The following EDA variants were observed in gnomAD, a reference collection of about 807,000 sequenced individuals.
The protein encoded by EDA is ectodysplasin-A.
In EDA, 2 loss-of-function variants were observed where a neutral mutation model predicts 23.6. The ratio of observed to expected loss-of-function variants is 0.08; its 90% CI spans 0.03 to 0.27. The LOEUF is 0.27. Among genes scored for constraint, EDA ranks in the 10% least tolerant of loss-of-function variants. The pLI is 1.00. For missense variants in EDA, 229 were observed against 324.2 expected (o/e 0.71, Z 2.26); for synonymous variants, 131 against 132.0 (o/e 0.99, Z 0.05).
At chrX:69,959,059 C>T (rs1290463906) in intron 2 of EDA, among the ~76,000 whole-genome samples, 1 of 112,192 alleles carries the variant, frequency 8.9e-6, no homozygotes, top group East Asian at 2.8e-4. Flanking sequence ...CCTAAAACTA[C>T]TTTATCCAAA....
At chrX:69,958,517 C>CAA (rs34031076) in intron 2 of EDA, among the ~76,000 whole-genome samples, 1 of 87,283 alleles carries the variant, frequency 1.1e-5, no homozygotes, top group African/African-American at 4.2e-5. Flanking sequence ...ATAATAATAC[C>CAA]AAAAAAAAAA....
chrX:69,753,348 C>G (rs2013969678), intron 1 of EDA, among the ~76,000 whole-genome samples: 1 of 112,090 alleles, frequency 8.9e-6, no homozygotes, highest in South Asian at 3.7e-4. Context: ...AGCAGTCATT[C>G]AGGAGCAGGT....
intron 1 of EDA, among the ~76,000 whole-genome samples, chrX:69,745,807 G>A (rs1284618020): frequency 1.8e-5 from 2 of 111,077 alleles, no homozygotes; most frequent in African/African-American, 6.6e-5. Context: ...AGCCAACATG[G>A]TGAAACCTCA....
At chrX:69,762,087 A>G (rs1382261680) in intron 1 of EDA, among the ~76,000 whole-genome samples, 1 of 111,727 alleles carries the variant, frequency 9.0e-6, no homozygotes, top group African/African-American at 3.3e-5. Context: ...TAGAAAAGTG[A>G]GGTATCAGTA....
chrX:69,792,030 G>T (rs767882623), intron 1 of EDA, among the ~76,000 whole-genome samples: 1 of 111,631 alleles, frequency 9.0e-6, no homozygotes, highest in African/African-American at 3.3e-5. Flanking sequence ...TTCTTTAGTG[G>T]TGATTTCTGG....
At chrX:69,892,037 C>T (rs1293174595) in intron 1 of EDA, among the ~76,000 whole-genome samples, 1 of 111,794 alleles carries the variant, frequency 8.9e-6, no homozygotes, top group Admixed American at 9.5e-5. Flanking sequence ...TCATGTTTCT[C>T]ATGAGTAAAA....
chrX:69,753,675 G>A (rs1569319366), intron 1 of EDA, among the ~76,000 whole-genome samples: 2 of 111,555 alleles, frequency 1.8e-5, no homozygotes, highest in Non-Finnish European at 3.8e-5. Flanking sequence ...ACAGTGGGAT[G>A]TTAAAGTCTC....
In EDA at chrX:69,918,604, A is replaced by G. The variant is rs182798949; in HGVS notation, c.397-38423A>G. On this transcript the variant is annotated intron_variant, in intron 1 of 7. Coordinates refer to ENST00000374552, the MANE Select transcript of EDA (RefSeq NM_001399.5). ...CTAAAAAGAGAACCTTCACTCCTTT[A>G]GCAGTCAAGTGAGTTAATTTCCTTT... Among the ~76,000 whole-genome samples the G allele has an allele frequency of 7.1e-5, 8 of 112,490 alleles. No individual in the cohort carries two copies. The East Asian group carries it at 2.2e-3, about 31-fold the overall frequency.
intron 1 of EDA, among the ~76,000 whole-genome samples, chrX:69,910,872 G>GTTAAGGATAACAATAT (rs2018256583): frequency 1.8e-5 from 2 of 111,784 alleles, no homozygotes; most frequent in Admixed American, 1.9e-4. Context: ...AACAATAGCT[G>GTTAAGGATAACAATAT]CCTTAAAATC....
intron 1 of EDA, among the ~76,000 whole-genome samples, chrX:69,704,530 A>G (rs2011632714): frequency 9.2e-6 from 1 of 108,922 alleles, no homozygotes; most frequent in Admixed American, 9.9e-5. Flanking sequence ...ATAATGAGAA[A>G]TGTCCCATTA....
chrX:69,757,873 G>A (rs1348526326), intron 1 of EDA, among the ~76,000 whole-genome samples: 1 of 112,278 alleles, frequency 8.9e-6, no homozygotes, highest in Non-Finnish European at 1.9e-5. Flanking sequence ...TGCATTGTCA[G>A]GCATTGATGA....
chrX:70,001,024 A>T (rs2147476910), intron 2 of EDA, among the ~76,000 whole-genome samples: 1 of 112,133 alleles, frequency 8.9e-6, no homozygotes, highest in South Asian at 3.7e-4. Flanking sequence ...GGGTGGCAAT[A>T]ATGAAAATAT....
At chrX:69,627,381 A>G (rs1932423181) in intron 1 of EDA, among the ~76,000 whole-genome samples, 1 of 110,643 alleles carries the variant, frequency 9.0e-6, no homozygotes, top group East Asian at 2.8e-4. Context: ...CCTACTTAGA[A>G]TTTTTTTCAG....
chrX:69,807,812 G>C (rs1404623884), intron 1 of EDA, among the ~76,000 whole-genome samples: 1 of 111,125 alleles, frequency 9.0e-6, no homozygotes, highest in East Asian at 2.8e-4. Context: ...AAAGAGAGAA[G>C]CAGGGACAGA....
At chrX:69,631,411 G>A (rs1343942620) in intron 1 of EDA, among the ~76,000 whole-genome samples, 1 of 106,610 alleles carries the variant, frequency 9.4e-6, no homozygotes, top group Non-Finnish European at 1.9e-5. Flanking sequence ...AATTCCTGAT[G>A]CTTTTTTTTC....
At chrX:69,988,653 C>T (rs6624456) in intron 2 of EDA, among the ~76,000 whole-genome samples, 8,726 of 111,063 alleles carry the variant, frequency 0.079, 707 homozygotes, top group East Asian at 0.62. Context: ...GTCAGGGATT[C>T]GAGACCAGCC....
chrX:69,888,997 T>TATAG (rs1165718227), intron 1 of EDA, among the ~76,000 whole-genome samples: 2 of 64,878 alleles, frequency 3.1e-5, no homozygotes, highest in Non-Finnish European at 5.8e-5. Context: ...TATATATATA[T>TATAG]ATATATATAT....
intron 2 of EDA, among the ~76,000 whole-genome samples, chrX:70,008,630 G>C (rs1380557642): frequency 9.0e-6 from 1 of 111,130 alleles, no homozygotes. Flanking sequence ...TGTCTGTTTG[G>C]TATATCAGGG....
intron 3 of EDA, among the ~76,000 whole-genome samples, chrX:70,024,590 A>T (rs933142787): frequency 8.0e-5 from 9 of 112,932 alleles, no homozygotes; most frequent in African/African-American, 2.9e-4. Flanking sequence ...CATTATTGAG[A>T]AGACAGTGCA....
Sources: gnomAD v4.1 joint callset for allele counts (sites outside exome capture counted in the v4.1 genomes callset) on GRCh38, gnomAD v4.1.1 for gene constraint, MANE v1.5 for transcripts, NCBI Gene and HGNC (gene_info 2026-07-23, HGNC 2026-07-21) for gene names.